The following DOK7 variants were observed in gnomAD, a reference collection of about 807,000 sequenced individuals.
DOK7 encodes protein Dok-7.
Under a neutral mutation model 30.7 loss-of-function variants are expected in DOK7, and 32 were observed. That is an observed-to-expected ratio of 1.04 (90% CI 0.79 to 1.40). The LOEUF (loss-of-function observed/expected upper bound fraction) is 1.40, where lower values mean the gene tolerates loss of function less well. Among genes scored for constraint, DOK7 ranks in the 40% most tolerant of loss-of-function variants. DOK7 has a pLI of 0.00. For synonymous variants in DOK7, 447 were observed against 324.1 expected, an observed-to-expected ratio of 1.38 and a Z score of -4.07; for missense variants, 1,007 against 699.2, an observed-to-expected ratio of 1.44 and a Z score of -4.97.
chr4:3,492,165 G>A (rs904429083), intron 6 of DOK7, among the ~76,000 whole-genome samples: 3 of 152,200 alleles, frequency 2.0e-5, no homozygotes, highest in Admixed American at 6.5e-5. Context: ...CCTGGCAGGC[G>A]GGAGGCAGCC....
Position 3,493,315 on chromosome 4 carries a change from C to G in DOK7, c.1329C>G (p.Pro443=), listed in dbSNP as rs768213796. ...GCGGCCAGACGTCCGCCGGGTGTCC[C>G]TCTGGCTGGCTGGGCACGAGACGGC... ...DSGGQTSAGC[P]SGWLGTRRRG... Residue 443 remains proline (P), a synonymous_variant, in exon 7 of 7, where the codon CCC becomes CCG. Transcript: ENST00000340083. The G allele has an allele frequency of 6.2e-7, 1 of 1,604,658 alleles. No homozygotes were observed. The highest frequency in any genetic ancestry group is 8.5e-7 in the Non-Finnish European group (1 of 1,175,984).
rs144307762 is a variant in DOK7 at position 3,485,635 on chromosome 4, T to C, written c.629T>C (p.Phe210Ser). The C allele has an allele frequency of 1.9e-6, 3 of 1,602,096 alleles. No individual in the cohort carries two copies. Among genetic ancestry groups the C allele is most frequent in the Non-Finnish European group, 2.6e-6 (3 of 1,173,972 alleles). ...GGCATCTCCCCCACCAAGGGCCCCTTTGGGCTGCGGCCGGTTCTACCAGGT... is the reference window on the plus strand; with the variant it reads ...GGCATCTCCCCCACCAAGGGCCCCTCTGGGCTGCGGCCGGTTCTACCAGGT... The part of the protein sequence containing the change: ...VRGISPTKGP[F>S]GLRPVLPDPS... Residue 210 changes from phenylalanine (F) to serine (S), a missense_variant, in exon 5 of 7, where the codon TTT becomes TCT. Physicochemically the swap from Phe to Ser is radical, Grantham distance 155 (BLOSUM62 -2). Transcript: ENST00000340083.
chr4:3,500,770 G>A lies in DOK7; in HGVS notation c.1340G>A (p.Arg447Gln), dbSNP rs766517799. The change falls in exon 8 of 8, where the codon CGG becomes CAG. Residue 447 changes from arginine to glutamine, a missense_variant. By Grantham distance (43) the Arg-to-Gln change is conservative (BLOSUM62 1). Transcript: ENST00000643608. ...CACAGAGTGGGGGTGCGGCACGCAC[G>A]GGCCCGGGAGGAGCAGCTGTCGGAG... The A allele has an allele frequency of 6.8e-5, 105 of 1,534,662 alleles. No individual in the cohort carries two copies. In the African/African-American group the frequency reaches 9.9e-4, roughly 14 times the overall value.
Position 3,489,802 on chromosome 4 carries a change from G to T in DOK7, c.772+6G>T. The T allele has an allele frequency of 3.8e-6, 6 of 1,569,986 alleles. No homozygotes were observed. Among genetic ancestry groups the T allele is most frequent in the Non-Finnish European group, 4.3e-6 (5 of 1,157,138 alleles). ...GGGCAGGCCGGGCAGTGGAGGTAGG[G>T]CCGGGGGCTGACCTGGGCTGTGGGA... On this transcript the variant is annotated splice_donor_region_variant and intron_variant, in intron 6 of 6. Transcript: ENST00000340083.
intron 5 of DOK7, among the ~76,000 whole-genome samples, chr4:3,488,657 G>C (rs2109384052): frequency 6.6e-6 from 1 of 152,356 alleles, no homozygotes; most frequent in East Asian, 1.9e-4. Flanking sequence ...ACTTTGGGGA[G>C]AGCAGGTCCT....
At chr4:3,500,281 C>T (rs748014667) in exon 7 of DOK7, 20 of 1,535,848 alleles carry the variant, frequency 1.3e-5, no homozygotes, top group Non-Finnish European at 1.7e-5. Context: ...GTGGACAGCC[C>T]AGGACCAGAG....
At chr4:3,492,024 C>T (rs1412098234) in intron 6 of DOK7, among the ~76,000 whole-genome samples, 2 of 152,186 alleles carry the variant, frequency 1.3e-5, no homozygotes, top group Non-Finnish European at 2.9e-5. Flanking sequence ...CTCAGGTTTG[C>T]AATAAGCTTT....
chr4:3,496,174 A>G (rs1316471088), downstream of DOK7, among the ~76,000 whole-genome samples: 2 of 152,224 alleles, frequency 1.3e-5, no homozygotes, highest in Non-Finnish European at 2.9e-5. Context: ...CCCTCCCGCA[A>G]GCGCCCTTCA....
chr4:3,495,223 T>C (rs1161434173), downstream of DOK7, among the ~76,000 whole-genome samples: 1 of 152,192 alleles, frequency 6.6e-6, no homozygotes, highest in Non-Finnish European at 1.5e-5. Flanking sequence ...CCCGTCACCA[T>C]TACCCCTGCT....
intron 4 of DOK7, 134 bp downstream of exon 4, chr4:3,476,676 C>T (rs1727114309): frequency 1.3e-5 from 15 of 1,154,214 alleles, no homozygotes; most frequent in East Asian, 5.0e-5. Context: ...GGCAGGTGGA[C>T]GGAGTCTCCC....
At position 3,493,349 on chromosome 4, in the gene DOK7, GTGA is replaced by G; in HGVS notation, c.1366_1368del (p.Met456del). 1 of 1,599,144 alleles carries G rather than the reference GTGA, an allele frequency of 6.3e-7. No individual in the cohort carries two copies. The highest frequency in any genetic ancestry group is 8.5e-7 in the Non-Finnish European group (1 of 1,173,246). On this transcript the variant is annotated inframe_deletion, in exon 7 of 7. Transcript: ENST00000340083. ...GCTGGGCACGAGACGGCGGGGCCTGGTGATGGAGGCCCCCCAGGGCAGCGAGGC... is the reference window on the plus strand; with the variant it reads ...GCTGGGCACGAGACGGCGGGGCCTGGTGGAGGCCCCCCAGGGCAGCGAGGC...
intron 2 of DOK7, among the ~76,000 whole-genome samples, chr4:3,467,974 GC>G (rs1288783531): frequency 6.6e-6 from 1 of 152,198 alleles, no homozygotes; most frequent in East Asian, 1.9e-4. Context: ...CATCCCAAAG[GC>G]CCCACCACTA....
chr4:3,501,206 G>A, exon 8 of DOK7: 1 of 240,910 alleles, frequency 4.2e-6, no homozygotes, highest in Non-Finnish European at 8.1e-6. Flanking sequence ...CCCTGGGGGT[G>A]ACTGCATGGA....
downstream of DOK7, among the ~76,000 whole-genome samples, chr4:3,498,760 G>A (rs1009881874): frequency 6.6e-6 from 1 of 152,228 alleles, no homozygotes; most frequent in African/African-American, 2.4e-5. Flanking sequence ...GGCTCATCTC[G>A]ATGAAGGGGT....
At chr4:3,500,612 G>A (rs1466857177) in intron 7 of DOK7, 3 of 1,530,758 alleles carry the variant, frequency 2.0e-6, no homozygotes, top group Non-Finnish European at 2.6e-6. Context: ...GGGCCTGGCT[G>A]GGGGACTGGT....
chr4:3,500,866 T>G (rs1230508961), exon 8 of DOK7: 1 of 1,489,552 alleles, frequency 6.7e-7, no homozygotes, highest in Admixed American at 2.2e-5. Context: ...CGGTGCGCTG[T>G]GCGGCCCCGT....
intron 2 of DOK7, among the ~76,000 whole-genome samples, chr4:3,464,081 C>A (rs1726133457): frequency 6.6e-6 from 1 of 152,180 alleles, no homozygotes; most frequent in Non-Finnish European, 1.5e-5. Flanking sequence ...CCTGAGCCAG[C>A]ACCCCAGCTT....
At chr4:3,482,386 C>G (rs1161490537) in intron 4 of DOK7, among the ~76,000 whole-genome samples, 1 of 152,244 alleles carries the variant, frequency 6.6e-6, no homozygotes, top group Non-Finnish European at 1.5e-5. Context: ...CGGCTGTTGG[C>G]TGGGTTGCCT....
At position 3,485,536 on chromosome 4, in the gene DOK7, C is replaced by A; in HGVS notation, c.533-3C>A. ...CTGACCTGTCTCTGTCCTTCCTCTG[C>A]AGGGGCTGGCGTCTTCTTCCTGTCC... On this transcript the variant is annotated splice_region_variant and splice_polypyrimidine_tract_variant and intron_variant, in intron 4 of 6. Transcript: ENST00000340083. The A allele has an allele frequency of 6.3e-7, 1 of 1,598,026 alleles. No homozygotes were observed. Among genetic ancestry groups the A allele is most frequent in the Non-Finnish European group, 8.5e-7 (1 of 1,170,920 alleles).
Sources: allele counts gnomAD v4.1 joint callset (sites outside exome capture counted in the v4.1 genomes callset), GRCh38; gene constraint gnomAD v4.1.1; transcripts MANE v1.5; gene names NCBI Gene and HGNC (gene_info 2026-07-23, HGNC 2026-07-21).